The following SNTG1 variants were observed in gnomAD, a reference collection of about 807,000 sequenced individuals.
SNTG1 encodes gamma-1-syntrophin.
A neutral mutation model predicts 74.7 loss-of-function variants in SNTG1; 39 were observed. The ratio of observed to expected loss-of-function variants is 0.52; its 90% confidence interval spans 0.40 to 0.68. The LOEUF (loss-of-function observed/expected upper bound fraction) is 0.68. Among genes scored for constraint, SNTG1 ranks in the 30% least tolerant of loss-of-function variants. SNTG1 has a pLI of 0.00. For synonymous variants in SNTG1, 254 were observed against 217.1 expected (o/e 1.17, Z -1.49); for missense variants, 685 against 609.5 (o/e 1.12, Z -1.30).
chr8:50,621,063 CTTTT>C (rs34101589), intron 13 of SNTG1, among the ~76,000 whole-genome samples: 5,680 of 145,414 alleles, frequency 0.039, 180 homozygotes, highest in African/African-American at 0.078. Context: ...AAAGAGATAA[CTTTT>C]TTTTTTTTTT....
intron 1 of SNTG1, among the ~76,000 whole-genome samples, chr8:49,920,131 T>C (rs1199860123): frequency 2.4e-4 from 37 of 151,754 alleles, no homozygotes. Context: ...ATTTTCCATA[T>C]TGTGTTCTTT....
intron 8 of SNTG1, among the ~76,000 whole-genome samples, chr8:50,496,656 T>C (rs549647844): frequency 6.6e-6 from 1 of 152,338 alleles, no homozygotes; most frequent in South Asian, 2.1e-4. Context: ...GTGGTTTTAA[T>C]ATTAAACACA....
At chr8:50,770,033 C>T (rs2095623348) in intron 18 of SNTG1, among the ~76,000 whole-genome samples, 1 of 151,938 alleles carries the variant, frequency 6.6e-6, no homozygotes, top group Non-Finnish European at 1.5e-5. Flanking sequence ...GGTTATAGTC[C>T]TTAGAAACCC....
intron 15 of SNTG1, among the ~76,000 whole-genome samples, 187 bp from the exon 16 acceptor site, chr8:50,704,413 G>C (rs1308675690): frequency 6.6e-6 from 1 of 152,198 alleles, no homozygotes; most frequent in Non-Finnish European, 1.5e-5. Flanking sequence ...TCAGTGTAAA[G>C]ACAGAGAAGT....
At chr8:50,594,343 A>C (rs930061137) in intron 13 of SNTG1, among the ~76,000 whole-genome samples, 2 of 152,300 alleles carry the variant, frequency 1.3e-5, no homozygotes, top group East Asian at 3.9e-4. Context: ...ATCATTTTTC[A>C]ATAAGTTTCT....
At chr8:50,006,523 G>T (rs528651318) in intron 1 of SNTG1, among the ~76,000 whole-genome samples, 5 of 152,180 alleles carry the variant, frequency 3.3e-5, no homozygotes, top group Admixed American at 3.3e-4. Context: ...ATGTTTCAAG[G>T]CTGGGTACTA....
intron 15 of SNTG1, among the ~76,000 whole-genome samples, chr8:50,688,149 T>G (rs1259982896): frequency 2.6e-5 from 4 of 152,122 alleles, no homozygotes; most frequent in Admixed American, 6.6e-5. Context: ...GAAGATTCTG[T>G]ATATTAGCCC....
intron 1 of SNTG1, among the ~76,000 whole-genome samples, chr8:50,085,204 T>C (rs569362748): frequency 7.9e-5 from 12 of 152,302 alleles, no homozygotes; most frequent in Non-Finnish European, 1.8e-4. Flanking sequence ...ATTAAGAATA[T>C]AGAGAAAATG....
At chr8:49,941,864 T>G (rs1264599920) in intron 1 of SNTG1, among the ~76,000 whole-genome samples, 1 of 152,222 alleles carries the variant, frequency 6.6e-6, no homozygotes, top group Non-Finnish European at 1.5e-5. Flanking sequence ...TTGTGTTTAT[T>G]TACTTGTTTT....
chr8:50,507,756 C>G (rs1298913098), intron 9 of SNTG1, among the ~76,000 whole-genome samples: 1 of 151,884 alleles, frequency 6.6e-6, no homozygotes, highest in Non-Finnish European at 1.5e-5. Context: ...CATAAGTATA[C>G]ATGTGCCATG....
At chr8:50,460,128 A>G (rs2093546934) in intron 8 of SNTG1, among the ~76,000 whole-genome samples, 1 of 152,202 alleles carries the variant, frequency 6.6e-6, no homozygotes, top group Non-Finnish European at 1.5e-5. Context: ...ATTCCCACCA[A>G]CAGTGTATAA....
At chr8:50,427,341 G>A (rs959116427) in intron 4 of SNTG1, among the ~76,000 whole-genome samples, 2 of 152,020 alleles carry the variant, frequency 1.3e-5, no homozygotes, top group Non-Finnish European at 2.9e-5. Flanking sequence ...ATTTACAAAT[G>A]GTATGAATCT....
chr8:50,429,374 C>T (rs1415966602), intron 4 of SNTG1, among the ~76,000 whole-genome samples: 2 of 151,970 alleles, frequency 1.3e-5, no homozygotes, highest in African/African-American at 4.8e-5. Flanking sequence ...GTACCCAAAC[C>T]AATGAAGAAA....
intron 1 of SNTG1, among the ~76,000 whole-genome samples, chr8:49,975,543 A>G (rs1300607020): frequency 1.3e-5 from 2 of 151,894 alleles, no homozygotes; most frequent in African/African-American, 2.4e-5. Flanking sequence ...TTTTTTTCTT[A>G]TTACTGTTTT....
intron 2 of SNTG1, among the ~76,000 whole-genome samples, chr8:50,389,515 G>C (rs2092624767): frequency 6.6e-6 from 1 of 152,128 alleles, no homozygotes; most frequent in African/African-American, 2.4e-5. Flanking sequence ...CGAAGTCTTT[G>C]CTATTGTAAA....
At position 50,759,775 on chromosome 8, in the gene SNTG1, G is replaced by A. The variant is rs559369055; in HGVS notation, c.1395+7664G>A. Among the ~76,000 whole-genome samples, 34 of 152,136 alleles carry A rather than the reference G, an allele frequency of 2.2e-4. No homozygotes were observed. The South Asian group carries it at 5.8e-3, about 26-fold the overall frequency. On this transcript the variant is annotated intron_variant, in intron 18 of 18. Transcript: ENST00000642720. ...TTGTAGTATAGTTTGAAGTAAGGTA[G>A]CATGATGCCTCCAGCTTTGTTCTTT...
chr8:50,454,829 T>TAAAAAAAAA (rs1158732952), intron 8 of SNTG1, among the ~76,000 whole-genome samples: 3 of 95,140 alleles, frequency 3.2e-5, no homozygotes, highest in African/African-American at 4.4e-5. Context: ...CAGACAGAGC[T>TAAAAAAAAA]AAAAAAAAAA....
At chr8:50,180,348 A>G (rs1205828816) in intron 2 of SNTG1, among the ~76,000 whole-genome samples, 2 of 152,186 alleles carry the variant, frequency 1.3e-5, no homozygotes, top group African/African-American at 4.8e-5. Flanking sequence ...CTAGAGATCT[A>G]TGGTACAGCA....
intron 8 of SNTG1, among the ~76,000 whole-genome samples, chr8:50,465,378 A>C (rs2093601088): frequency 6.6e-6 from 1 of 152,194 alleles, no homozygotes; most frequent in Non-Finnish European, 1.5e-5. Flanking sequence ...AAGTTGCTTC[A>C]AACATTTGTA....
Sources: allele counts gnomAD v4.1 joint callset (sites outside exome capture counted in the v4.1 genomes callset), GRCh38; gene constraint gnomAD v4.1.1; transcripts MANE v1.5; gene names NCBI Gene and HGNC (gene_info 2026-07-23, HGNC 2026-07-21).